The following ADGRB1 variants were observed in gnomAD, a reference collection of about 807,000 sequenced individuals.
ADGRB1 encodes brain-specific angiogenesis inhibitor 1.
A neutral mutation model predicts 175.7 loss-of-function variants in ADGRB1; 36 were observed. The observed-to-expected ratio is 0.20, with a 90% CI of 0.16 to 0.27. The LOEUF is 0.27. Among genes scored for constraint, ADGRB1 ranks in the 10% least tolerant of loss-of-function variants. ADGRB1 has a pLI of 1.00. For synonymous variants in ADGRB1, 1,054 were observed against 979.4 expected (o/e 1.08, Z -1.42); for missense variants, 1,731 against 2,255.3 (o/e 0.77, Z 4.71).
chr8:142,464,258 G>T lies in ADGRB1; in HGVS notation c.60G>T (p.Leu20=). Residue 20 remains leucine (L), a synonymous_variant, in exon 2 of 31, where the codon CTG becomes CTT. Coordinates refer to ENST00000517894, the MANE Select transcript of ADGRB1 (RefSeq NM_001702.3). ...GGATCCTCGCCCCGCTGCTACTGCT[G>T]CTGCTGCTGCTGGGACGCCGCGCGC... ...PVWILAPLLL[L]LLLLGRRARA... is the part of the protein sequence containing the mutation. The T allele has an allele frequency of 7.4e-7, 1 of 1,350,850 alleles. No individual in the cohort carries two copies. The allele number at this position is 1,350,850 out of a possible 1,614,324, so 83.7% of individuals were successfully genotyped here. A position where few individuals can be genotyped will look rare whatever the true frequency, so the allele number is the denominator to read the frequency against.
intron 9 of ADGRB1, 133 bp downstream of exon 9, chr8:142,479,927 G>T (rs143260950): frequency 7.8e-4 from 790 of 1,014,958 alleles, no homozygotes; most frequent in Non-Finnish European, 1.0e-3. Context: ...GCTGGCGCGG[G>T]GTGGTGGGGC....
At chr8:142,491,165 C>G (rs957369554) in intron 17 of ADGRB1, among the ~76,000 whole-genome samples, 1 of 152,226 alleles carries the variant, frequency 6.6e-6, no homozygotes, top group Non-Finnish European at 1.5e-5. Context: ...CAGGTGGGTG[C>G]CAGGCACTGA....
At chr8:142,527,540 C>T (rs1587417421) in intron 24 of ADGRB1, among the ~76,000 whole-genome samples, 1 of 151,968 alleles carries the variant, frequency 6.6e-6, no homozygotes, top group South Asian at 2.1e-4. Flanking sequence ...TGAGTGCGTG[C>T]CATGGCCCTG....
rs1243382143 is a variant in ADGRB1, at chr8:142,504,201, C to T, written c.2676-6731C>T. 6.6e-6 allele frequency among the ~76,000 whole-genome samples: 1 copy of T among 152,172 alleles called. No homozygotes were observed. Among genetic ancestry groups the T allele is most frequent in the East Asian group, 1.9e-4 (1 of 5,172 alleles). ...GACCCAGGCCTGCCCTGGAGAGCCT[C>T]ACAGACTGGCAGCCAGACAGGGGCT... On this transcript the variant is annotated intron_variant, in intron 17 of 30. Coordinates refer to ENST00000517894, the MANE Select transcript of ADGRB1 (RefSeq NM_001702.3). This position sits in a 1 kb window ranked among gnomAD's most constrained non-coding sequence, Gnocchi z 5.6.
chr8:142,516,716 C>T (rs116796451), intron 18 of ADGRB1, among the ~76,000 whole-genome samples: 3,892 of 148,002 alleles, frequency 0.026, 144 homozygotes, highest in African/African-American at 0.083. Flanking sequence ...TGTGTGCGGG[C>T]CCCAGGTGTG....
chr8:142,493,579 C>T lies in ADGRB1; in HGVS notation c.2675+2764C>T, dbSNP rs1842080088. Among the ~76,000 whole-genome samples, 1 of 152,368 alleles carries T rather than the reference C, an allele frequency of 6.6e-6. No individual in the cohort carries two copies. Among genetic ancestry groups the T allele is most frequent in the East Asian group, 1.9e-4 (1 of 5,184 alleles). On this transcript the variant is annotated intron_variant, in intron 17 of 30. Coordinates refer to ENST00000517894, the MANE Select transcript of ADGRB1 (RefSeq NM_001702.3). The surrounding 1 kb of genome is among the most constrained non-coding windows in gnomAD (Gnocchi z 5.0). ...AGGAGGCAGGTGCCGGTGTGGCCCA[C>T]GCAGTGCCTGGCAGCATTGTGCCCA...
rs756113756 is a variant in ADGRB1, at chr8:142,510,994, C to G, written c.2738C>G (p.Pro913Arg). 202 of 1,322,334 alleles carry G rather than the reference C, an allele frequency of 1.5e-4. 4 individuals are homozygous for G. Among genetic ancestry groups the G allele is most frequent in the Admixed American group, 2.7e-5 (1 of 37,380 alleles). 81.9% of individuals were successfully genotyped at this position (1,322,334 alleles called of 1,614,324 possible). A position where few individuals can be genotyped will look rare whatever the true frequency, so the allele number is the denominator to read the frequency against. ...TCGTGGCGCGGCTGCCGCACGGTGC[C>G]CCTCGACGCCCTCCGGACGCGCTGC... ...PWSWRGCRTV[P>R]LDALRTRCLC... is the part of the protein sequence containing the mutation. The change falls in exon 18 of 31, where the codon CCC (proline) becomes CGC (arginine). Residue 913 changes from proline (P) to arginine (R), a missense_variant. By Grantham distance (103) the Pro-to-Arg change is moderately radical (BLOSUM62 -2). Around this residue, in one of 8 missense-constraint regions of ADGRB1, gnomAD observed 77 missense variants for 71.6 expected, o/e 1.08. Transcript: ENST00000517894. This position sits in a 1 kb window ranked among gnomAD's most constrained non-coding sequence, Gnocchi z 6.3.
intron 14 of ADGRB1, 69 bp from the exon 15 acceptor site, chr8:142,488,966 G>A: frequency 6.5e-7 from 1 of 1,549,034 alleles, no homozygotes; most frequent in Non-Finnish European, 8.8e-7. Flanking sequence ...CGGGGTCCAG[G>A]CCAGGCTGCC....
intron 18 of ADGRB1, among the ~76,000 whole-genome samples, chr8:142,513,273 A>G (rs966374445): frequency 6.6e-6 from 1 of 152,170 alleles, no homozygotes; most frequent in African/African-American, 2.4e-5. Flanking sequence ...CCGCAAGGGC[A>G]GACCATGTGT....
intron 16 of ADGRB1, among the ~76,000 whole-genome samples, chr8:142,490,002 G>A (rs1019285322): frequency 5.3e-5 from 8 of 152,296 alleles, no homozygotes; most frequent in Non-Finnish European, 1.0e-4. Flanking sequence ...AGTAGGGGCC[G>A]AGATGCCCTT....
At chr8:142,485,576 CT>C (rs1239148993) in intron 13 of ADGRB1, among the ~76,000 whole-genome samples, 1 of 152,222 alleles carries the variant, frequency 6.6e-6, no homozygotes, top group East Asian at 1.9e-4. Context: ...GTCACCTCCC[CT>C]GTGGGGATGC....
intron 3 of ADGRB1, 99 bp downstream of exon 3, chr8:142,475,734 G>C: frequency 9.5e-7 from 1 of 1,056,222 alleles, no homozygotes. Flanking sequence ...GGGCCCGTGG[G>C]GGCGGGGCGG....
Position 142,489,327 on chromosome 8 carries a change from C to T in ADGRB1, c.2529-9C>T, listed in dbSNP as rs1348788963. On this transcript the variant is annotated splice_polypyrimidine_tract_variant and intron_variant, in intron 15 of 30. Transcript: ENST00000517894. ...GCTCCCCCGACACCTGTGCCTCTGG[C>T]TCTTGCAGGAACACGACCGTCCTGA... is the stretch of plus-strand genomic sequence containing the variant. 1.1e-5 allele frequency: 18 copies of T among 1,612,602 alleles called. No individual in the cohort carries two copies. Among genetic ancestry groups the T allele is most frequent in the Admixed American group, 1.7e-5 (1 of 60,016 alleles).
In ADGRB1 at chr8:142,489,445, G is replaced by A; in HGVS notation, c.2631+7G>A. 6.2e-7 allele frequency: 1 copy of A among 1,611,406 alleles called. No individual in the cohort carries two copies. Among genetic ancestry groups the A allele is most frequent in the Non-Finnish European group, 8.5e-7 (1 of 1,178,594 alleles). ...GTTTGCCCACATGTATAATGTGAGT[G>A]CCGTCCACGTGCACACTCTGATGCC... On this transcript the variant is annotated splice_region_variant and intron_variant, in intron 16 of 30. Transcript: ENST00000517894.
rs182557209 is a variant in ADGRB1 at position 142,515,134 on chromosome 8, T to C, written c.2818-3004T>C. Among the ~76,000 whole-genome samples, 23 of 152,120 alleles carry C rather than the reference T, an allele frequency of 1.5e-4. 1 individual carries two copies. The highest frequency in any genetic ancestry group is 5.5e-4 in the African/African-American group (23 of 41,504). On this transcript the variant is annotated intron_variant, in intron 18 of 30. Transcript: ENST00000517894. ...TCAGACCTAGTATGCAGGGAGGGCC[T>C]CCGAGAATTGGTGACTTCTGTGCTG...
intron 27 of ADGRB1, 101 bp from the exon 28 acceptor site, chr8:142,541,840 C>A: frequency 7.9e-7 from 1 of 1,266,756 alleles, no homozygotes; most frequent in South Asian, 1.5e-5. Context: ...CAGGAGGTGG[C>A]GGCCTCGCAG....
At chr8:142,479,597 CATA>C (rs1370919283) in intron 8 of ADGRB1, 93 bp from the exon 9 acceptor site, 18 of 1,551,082 alleles carry the variant, frequency 1.2e-5, no homozygotes, top group Non-Finnish European at 1.7e-6. Flanking sequence ...GTCCTGTCCT[CATA>C]ATGATGCCTG....
At chr8:142,478,103 C>T (rs1841090903) in intron 6 of ADGRB1, 84 bp from the exon 7 acceptor site, 3 of 1,523,604 alleles carry the variant, frequency 2.0e-6, no homozygotes, top group Non-Finnish European at 2.7e-6. Flanking sequence ...GGTGGTAGCA[C>T]CCAGGGTGCT....
At chr8:142,488,096 G>T (rs1008100546) in intron 13 of ADGRB1, among the ~76,000 whole-genome samples, 1 of 152,142 alleles carries the variant, frequency 6.6e-6, no homozygotes, top group African/African-American at 2.4e-5. Flanking sequence ...CAGGCTCCCT[G>T]CCCCTCACCG....
Sources: gnomAD v4.1 joint callset for allele counts (sites outside exome capture counted in the v4.1 genomes callset) on GRCh38, gnomAD v4.1.1 for gene constraint, gnomAD v4.1.1 regional missense constraint, Gnocchi (gnomAD v3.1) non-coding constraint, MANE v1.5 for transcripts, NCBI Gene and HGNC (gene_info 2026-07-23, HGNC 2026-07-21) for gene names.